RGPD2: variants seen among roughly 807,000 people sequenced by gnomAD.
RGPD2 encodes RANBP2-like and GRIP domain-containing protein 2.
RGPD2 carries 2 observed loss-of-function variants against 36.0 expected under a neutral mutation model. The ratio of observed to expected loss-of-function variants is 0.06; its 90% confidence interval spans 0.02 to 0.17. The LOEUF (loss-of-function observed/expected upper bound fraction) is 0.17, where lower values mean the gene tolerates loss of function less well. Among genes scored for constraint, RGPD2 ranks in the 10% least tolerant of loss-of-function variants. The pLI, the probability that RGPD2 is intolerant of heterozygous loss-of-function variation, is 1.00. For synonymous variants in RGPD2, 19 were observed against 163.8 expected (o/e 0.12, Z 6.75); for missense variants, 40 against 464.3 (o/e 0.09, Z 8.40).
At position 87,760,617 on chromosome 2, in the gene RGPD2, C is replaced by CT. The variant is rs1167386408; in HGVS notation, c.5237-3192dup. 5.1e-3 allele frequency among the ~76,000 whole-genome samples: 54 copies of CT among 10,496 alleles called. 8 individuals carry two copies. The highest frequency in any genetic ancestry group is 0.013 in the East Asian group (6 of 448). 6.9% of individuals were successfully genotyped at this position (10,496 alleles called of 152,430 possible). A position where few individuals can be genotyped will look rare whatever the true frequency, so the allele number is the denominator to read the frequency against. Reference sequence around the variant, plus strand: ...TCAAATGTTTCTTCTGTTTCTTTCTCTTTTTTTTTTTTTTTTTTGAGACAG... The same window carrying CT: ...TCAAATGTTTCTTCTGTTTCTTTCTCTTTTTTTTTTTTTTTTTTTGAGACAG... On this transcript the variant is annotated intron_variant, in intron 22 of 22. Coordinates refer to ENST00000398146, the MANE Select transcript of RGPD2 (RefSeq NM_001078170.3).
At chr2:87,928,825 T>C in the RGPD2 span, among the ~76,000 whole-genome samples, 1 of 150,880 alleles carries the variant, frequency 6.6e-6, no homozygotes, top group South Asian at 2.1e-4. Context: ...TTTCATAGGA[T>C]TGTGTGGGTC....
chr2:87,761,175 T>C (rs1684879225), intron 22 of RGPD2, among the ~76,000 whole-genome samples: 1 of 35,280 alleles, frequency 2.8e-5, no homozygotes, highest in African/African-American at 1.0e-4. Context: ...ATTTCATCTT[T>C]ATTTCTTCTT....
At chr2:87,934,549 C>T in the RGPD2 span, among the ~76,000 whole-genome samples, 1 of 150,518 alleles carries the variant, frequency 6.6e-6, no homozygotes, top group South Asian at 2.1e-4. Context: ...CATTAACCAT[C>T]TGTTTCCAGT....
At chr2:87,920,405 GA>G in the RGPD2 span, among the ~76,000 whole-genome samples, 19 of 145,174 alleles carry the variant, frequency 1.3e-4, no homozygotes, top group African/African-American at 3.1e-4. Context: ...GGGAAAAAAA[GA>G]AAAAAAAAAG....
At chr2:87,861,028 A>G in the RGPD2 span, among the ~76,000 whole-genome samples, 1 of 152,068 alleles carries the variant, frequency 6.6e-6, no homozygotes, top group Non-Finnish European at 1.5e-5. Flanking sequence ...TGTGAGTGTC[A>G]GTGTGTGGGT....
chr2:87,824,928 C>A, intron 1 of RGPD2: 1 of 368,166 alleles, frequency 2.7e-6, no homozygotes, highest in East Asian at 3.9e-5. Flanking sequence ...GAACCAACAC[C>A]TCTTTACAGT....
the RGPD2 span, among the ~76,000 whole-genome samples, chr2:87,958,612 G>A: frequency 6.6e-6 from 1 of 152,352 alleles, no homozygotes; most frequent in East Asian, 1.9e-4. Flanking sequence ...AAAATAAAAT[G>A]TTACTACCTC....
the RGPD2 span, among the ~76,000 whole-genome samples, chr2:87,943,507 T>C: frequency 9.9e-5 from 15 of 151,992 alleles, no homozygotes; most frequent in South Asian, 3.1e-3. Context: ...GTTTTGCTTT[T>C]GAGTTGAGTT....
the RGPD2 span, among the ~76,000 whole-genome samples, chr2:87,986,905 C>T: frequency 2.0e-5 from 3 of 148,808 alleles, no homozygotes; most frequent in Non-Finnish European, 4.5e-5. Context: ...CTATGAAAAA[C>T]ATACAACTTC....
chr2:87,958,648 T>C, the RGPD2 span, among the ~76,000 whole-genome samples: 1 of 152,272 alleles, frequency 6.6e-6, no homozygotes, highest in South Asian at 2.1e-4. Context: ...TTTAAATTAA[T>C]TTTTTGGTGC....
the RGPD2 span, among the ~76,000 whole-genome samples, chr2:87,878,608 G>T: frequency 9.2e-5 from 14 of 152,214 alleles, no homozygotes; most frequent in African/African-American, 3.4e-4. Flanking sequence ...TCTCTTTTAG[G>T]TATTTTGAGA....
chr2:87,973,782 A>C, the RGPD2 span, among the ~76,000 whole-genome samples: 1 of 150,330 alleles, frequency 6.7e-6, no homozygotes, highest in South Asian at 2.1e-4. Flanking sequence ...GAAATTTACC[A>C]ATCTGTTGTC....
At chr2:87,840,703 G>C in the RGPD2 span, among the ~76,000 whole-genome samples, 1 of 147,382 alleles carries the variant, frequency 6.8e-6, no homozygotes, top group African/African-American at 2.5e-5. Flanking sequence ...GTAGTTTTAT[G>C]AGAAAAAAAG....
At chr2:87,985,210 T>C in the RGPD2 span, among the ~76,000 whole-genome samples, 2 of 149,306 alleles carry the variant, frequency 1.3e-5, no homozygotes, top group African/African-American at 2.5e-5. Flanking sequence ...ACAGAGTAGA[T>C]GGTATAAGTA....
chr2:87,854,713 C>A, the RGPD2 span, among the ~76,000 whole-genome samples: 6 of 152,030 alleles, frequency 3.9e-5, no homozygotes, highest in Admixed American at 1.3e-4. Flanking sequence ...CTTGATAGCA[C>A]ATCCCTTTTT....
the RGPD2 span, among the ~76,000 whole-genome samples, chr2:87,886,959 C>G: frequency 6.6e-6 from 1 of 151,562 alleles, no homozygotes; most frequent in South Asian, 2.1e-4. Flanking sequence ...TGATGATTGA[C>G]CCGAGAGCTT....
chr2:87,859,540 C>T, the RGPD2 span, among the ~76,000 whole-genome samples: 117 of 152,238 alleles, frequency 7.7e-4, no homozygotes, highest in African/African-American at 2.2e-3. Flanking sequence ...ACACACATTC[C>T]TCCTCTTAAC....
At chr2:87,947,820 G>C in the RGPD2 span, among the ~76,000 whole-genome samples, 1 of 152,304 alleles carries the variant, frequency 6.6e-6, no homozygotes, top group Non-Finnish European at 1.5e-5. Context: ...TGTCACAAGT[G>C]GTTAATTGTC....
chr2:87,961,329 G>A, the RGPD2 span, among the ~76,000 whole-genome samples: 115 of 152,272 alleles, frequency 7.6e-4, no homozygotes, highest in Non-Finnish European at 1.5e-3. Context: ...TGTGTACTGC[G>A]TCAGCACTGT....
Sources: allele counts gnomAD v4.1 joint callset (sites outside exome capture counted in the v4.1 genomes callset), GRCh38; gene constraint gnomAD v4.1.1; transcripts MANE v1.5; gene names NCBI Gene and HGNC (gene_info 2026-07-23, HGNC 2026-07-21).